The following TBC1D5 variants were observed in gnomAD, a reference collection of about 807,000 sequenced individuals.
TBC1D5 encodes the protein TBC1 domain family member 5.
Under a neutral mutation model 100.3 loss-of-function variants are expected in TBC1D5, and 75 were observed. The observed-to-expected ratio is 0.75, with a 90% CI of 0.62 to 0.91. The LOEUF is 0.91. Among genes scored for constraint, TBC1D5 ranks in the 40% least tolerant of loss-of-function variants. The probability of loss-of-function intolerance (pLI) is 0.00; values close to 1 mark genes in which losing one functional copy is unlikely to be tolerated. For synonymous variants in TBC1D5, 323 were observed against 325.6 expected (o/e 0.99, Z 0.09); for missense variants, 910 against 942.4 (o/e 0.97, Z 0.45).
At chr3:17,634,948 T>G (rs1271969844) in intron 1 of TBC1D5, among the ~76,000 whole-genome samples, 2 of 152,218 alleles carry the variant, frequency 1.3e-5, no homozygotes, top group East Asian at 3.8e-4. Flanking sequence ...AAAATTAGGA[T>G]GAAAGTAAAA....
chr3:17,594,419 A>G (rs528902621), intron 2 of TBC1D5, among the ~76,000 whole-genome samples: 1 of 152,120 alleles, frequency 6.6e-6, no homozygotes, highest in Non-Finnish European at 1.5e-5. Flanking sequence ...AAAAACCACA[A>G]CCTGTTGAGG....
At chr3:17,164,852 C>A (rs1473706087) in intron 21 of TBC1D5, among the ~76,000 whole-genome samples, 1 of 152,206 alleles carries the variant, frequency 6.6e-6, no homozygotes, top group Non-Finnish European at 1.5e-5. Flanking sequence ...CAAGAAATCT[C>A]AAGATTTCCC....
chr3:17,407,917 G>A (rs768608102), intron 4 of TBC1D5, among the ~76,000 whole-genome samples: 34 of 152,038 alleles, frequency 2.2e-4, no homozygotes, highest in Non-Finnish European at 4.3e-4. Context: ...AAAAAATCTG[G>A]CTTTACTTTA....
intron 14 of TBC1D5, among the ~76,000 whole-genome samples, chr3:17,307,330 T>TGAGAC (rs2083497663): frequency 1.3e-5 from 2 of 152,200 alleles, no homozygotes; most frequent in South Asian, 4.1e-4. Flanking sequence ...ATTACTTCTC[T>TGAGAC]GAGACAGAAA....
intron 2 of TBC1D5, among the ~76,000 whole-genome samples, chr3:17,572,258 A>G (rs972333882): frequency 2.0e-5 from 3 of 151,524 alleles, no homozygotes; most frequent in Non-Finnish European, 2.9e-5. Context: ...GGAGATCTGA[A>G]TTATCATGTC....
chr3:17,388,378 A>C (rs1292533615), intron 8 of TBC1D5, among the ~76,000 whole-genome samples: 2 of 152,132 alleles, frequency 1.3e-5, no homozygotes, highest in Non-Finnish European at 2.9e-5. Flanking sequence ...ACATTTAATA[A>C]AGACAAGACA....
intron 2 of TBC1D5, among the ~76,000 whole-genome samples, chr3:17,608,131 C>A (rs763868846): frequency 3.3e-5 from 5 of 152,118 alleles, no homozygotes; most frequent in Non-Finnish European, 5.9e-5. Flanking sequence ...GTGGCGCGTG[C>A]CTGTAATCCC....
intron 3 of TBC1D5, among the ~76,000 whole-genome samples, chr3:17,471,558 T>G (rs2095372369): frequency 6.6e-6 from 1 of 150,814 alleles, no homozygotes; most frequent in South Asian, 2.1e-4. Context: ...AAACAGCATT[T>G]TAAAAAATCA....
At chr3:17,218,919 T>TAA (rs996756509) in intron 17 of TBC1D5, among the ~76,000 whole-genome samples, 25 of 151,894 alleles carry the variant, frequency 1.6e-4, no homozygotes, top group Non-Finnish European at 3.1e-4. Flanking sequence ...TAATTGGACT[T>TAA]CTTTGAGGTA....
intron 13 of TBC1D5, among the ~76,000 whole-genome samples, chr3:17,364,878 C>T (rs952575474): frequency 2.6e-5 from 4 of 152,128 alleles, no homozygotes; most frequent in East Asian, 1.9e-4. Context: ...GTGCTTACAA[C>T]GTGCCAGGTA....
At chr3:17,706,178 C>A in intron 1 of TBC1D5, 1 of 1,561,842 alleles carries the variant, frequency 6.4e-7, no homozygotes, top group Non-Finnish European at 8.7e-7. Flanking sequence ...CAGGCAGCCG[C>A]TCGAAGGGCC....
intron 13 of TBC1D5, among the ~76,000 whole-genome samples, chr3:17,315,883 G>A (rs2084640194): frequency 6.6e-6 from 1 of 152,172 alleles, no homozygotes; most frequent in South Asian, 2.1e-4. Flanking sequence ...ATGCCCCACT[G>A]AAGGCTGTAG....
At chr3:17,449,270 C>T (rs752140491) in intron 3 of TBC1D5, among the ~76,000 whole-genome samples, 5 of 152,226 alleles carry the variant, frequency 3.3e-5, no homozygotes, top group Non-Finnish European at 7.3e-5. Context: ...CAGGTGTCTA[C>T]ACCACCAGGG....
chr3:17,292,463 C>T (rs764656095), intron 14 of TBC1D5, among the ~76,000 whole-genome samples: 12 of 152,046 alleles, frequency 7.9e-5, no homozygotes, highest in Admixed American at 1.3e-4. Context: ...GTAAACATTA[C>T]GTAACTCAAA....
chr3:17,396,900 T>C (rs887577280), intron 8 of TBC1D5, among the ~76,000 whole-genome samples: 1 of 152,140 alleles, frequency 6.6e-6, no homozygotes, highest in African/African-American at 2.4e-5. Flanking sequence ...AATTTTAATA[T>C]TTGTGCTGCT....
chr3:17,225,427 G>A (rs1486653983), intron 17 of TBC1D5, among the ~76,000 whole-genome samples: 2 of 130,350 alleles, frequency 1.5e-5, no homozygotes, highest in Non-Finnish European at 3.2e-5. Flanking sequence ...CGATAAGAGT[G>A]AGACTCGGTC....
chr3:17,492,540 A>G (rs2095652169), intron 3 of TBC1D5, among the ~76,000 whole-genome samples: 1 of 151,924 alleles, frequency 6.6e-6, no homozygotes, highest in Non-Finnish European at 1.5e-5. Context: ...ATTCAAGTGA[A>G]TCTCCTGCCT....
At chr3:17,718,895 ATAGT>A (rs368211824) in intron 1 of TBC1D5, among the ~76,000 whole-genome samples, 70 of 152,352 alleles carry the variant, frequency 4.6e-4, no homozygotes, top group African/African-American at 1.5e-3. Context: ...AAATTTTGCT[ATAGT>A]TATTCAACTG....
At chr3:17,451,813 G>A (rs560257852) in intron 3 of TBC1D5, among the ~76,000 whole-genome samples, 61 of 152,198 alleles carry the variant, frequency 4.0e-4, no homozygotes, top group African/African-American at 1.4e-3. Context: ...ATCCCTGCTC[G>A]GAGGGCTGAG....
Sources: gnomAD v4.1 joint callset for allele counts (sites outside exome capture counted in the v4.1 genomes callset) on GRCh38, gnomAD v4.1.1 for gene constraint, MANE v1.5 for transcripts, NCBI Gene and HGNC (gene_info 2026-07-23, HGNC 2026-07-21) for gene names.